PBX3: variants seen among roughly 807,000 people sequenced by gnomAD.
PBX3 encodes the protein PBX homeobox 3.
Under a neutral mutation model 48.5 loss-of-function variants are expected in PBX3, and 14 were observed. That is an observed-to-expected ratio of 0.29 (90% CI 0.19 to 0.45). The LOEUF (loss-of-function observed/expected upper bound fraction) is 0.45, where lower values mean the gene tolerates loss of function less well. PBX3 is among the 20% of genes least tolerant of loss of function. PBX3 has a pLI of 1.00. For missense variants in PBX3, 386 were observed against 546.7 expected (o/e 0.71, Z 2.93); for synonymous variants, 210 against 200.3 (o/e 1.05, Z -0.41).
intron 5 of PBX3, chr9:125,949,355 A>G (rs1198281610): frequency 1.3e-6 from 2 of 1,550,352 alleles, no homozygotes; most frequent in African/African-American, 2.7e-5. Flanking sequence ...CATTCAACCT[A>G]CATTTTCTTG....
intron 2 of PBX3, among the ~76,000 whole-genome samples, chr9:125,882,471 GTA>G (rs1412046849): frequency 6.6e-6 from 1 of 152,170 alleles, no homozygotes; most frequent in Non-Finnish European, 1.5e-5. Context: ...CAGCTGCCTG[GTA>G]TTTAACATTG....
chr9:125,873,150 A>G (rs1029967305), intron 2 of PBX3, among the ~76,000 whole-genome samples: 1 of 152,104 alleles, frequency 6.6e-6, no homozygotes, highest in Non-Finnish European at 1.5e-5. Flanking sequence ...GCGCCACTGC[A>G]CTCCAGCCTG....
intron 2 of PBX3, among the ~76,000 whole-genome samples, chr9:125,912,255 A>C (rs1216604234): frequency 6.6e-6 from 1 of 152,170 alleles, no homozygotes; most frequent in Non-Finnish European, 1.5e-5. Flanking sequence ...AAATGCCTGA[A>C]TTACAGTCAG....
chr9:125,959,150 G>A (rs1175815422), intron 5 of PBX3, among the ~76,000 whole-genome samples: 1 of 152,176 alleles, frequency 6.6e-6, no homozygotes, highest in East Asian at 1.9e-4. Flanking sequence ...TGTCTGCAAG[G>A]TGCTCTGCAT....
At chr9:125,841,024 T>C (rs1193646223) in intron 2 of PBX3, among the ~76,000 whole-genome samples, 1 of 152,166 alleles carries the variant, frequency 6.6e-6, no homozygotes, top group African/African-American at 2.4e-5. Context: ...TTAGAAATTC[T>C]TAAATTATTA....
intron 2 of PBX3, among the ~76,000 whole-genome samples, chr9:125,830,051 C>A (rs1838914637): frequency 6.6e-6 from 1 of 152,132 alleles, no homozygotes; most frequent in Admixed American, 6.6e-5. Context: ...TGAGCTCTTA[C>A]AACAGGAAGC....
At chr9:125,836,038 A>T (rs1457001948) in intron 2 of PBX3, among the ~76,000 whole-genome samples, 2 of 152,226 alleles carry the variant, frequency 1.3e-5, no homozygotes, top group African/African-American at 4.8e-5. Context: ...GAAAGAATGG[A>T]ATCTTGTCAT....
At chr9:125,792,580 T>C (rs1837642900) in intron 2 of PBX3, among the ~76,000 whole-genome samples, 1 of 152,170 alleles carries the variant, frequency 6.6e-6, no homozygotes, top group African/African-American at 2.4e-5. Flanking sequence ...TAGCTCCCAG[T>C]GATAGGGAGC....
chr9:125,950,202 A>G (rs1164022622), intron 5 of PBX3, among the ~76,000 whole-genome samples: 1 of 152,214 alleles, frequency 6.6e-6, no homozygotes, highest in Non-Finnish European at 1.5e-5. Flanking sequence ...GACGTTTTAT[A>G]CACTTTTGCA....
At chr9:125,818,252 A>G (rs1237168425) in intron 2 of PBX3, among the ~76,000 whole-genome samples, 2 of 151,998 alleles carry the variant, frequency 1.3e-5, no homozygotes, top group African/African-American at 2.4e-5. Context: ...ATTACCAGAG[A>G]GTTCCTGCTC....
intron 2 of PBX3, among the ~76,000 whole-genome samples, chr9:125,868,444 G>T (rs1840041040): frequency 6.6e-6 from 1 of 152,194 alleles, no homozygotes; most frequent in Non-Finnish European, 1.5e-5. Flanking sequence ...GTACAGTAAA[G>T]AACTTCATTT....
intron 3 of PBX3, among the ~76,000 whole-genome samples, chr9:125,929,137 A>G (rs928297659): frequency 1.3e-5 from 2 of 152,140 alleles, no homozygotes; most frequent in African/African-American, 4.8e-5. Flanking sequence ...CTTCCTTGGA[A>G]CTTAATATCT....
rs182661080 is a variant in PBX3, at chr9:125,952,992, A to T, written c.844-7692A>T. On this transcript the variant is annotated intron_variant, in intron 5 of 8. Transcript: ENST00000373489. The stretch of plus-strand genomic sequence containing the variant: ...AGTGTTTGAGTATTTTTACCAAAAT[A>T]AAAAAAAAAAGACTCATGGTGTATG... Among the ~76,000 whole-genome samples, 260 of 144,424 alleles carry T rather than the reference A, an allele frequency of 1.8e-3. 1 individual carries two copies. Among genetic ancestry groups the T allele is most frequent in the African/African-American group, 6.1e-3 (244 of 40,008 alleles). 94.7% of individuals were successfully genotyped at this position (144,424 alleles called of 152,430 possible). A position where few individuals can be genotyped will look rare whatever the true frequency, so the allele number is the denominator to read the frequency against.
chr9:125,753,648 C>T (rs923612406), intron 2 of PBX3, among the ~76,000 whole-genome samples: 1 of 151,898 alleles, frequency 6.6e-6, no homozygotes. Context: ...CATTTTATTA[C>T]AGATTTGAAT....
At chr9:125,963,614 A>G (rs1842475108) in intron 8 of PBX3, among the ~76,000 whole-genome samples, 1 of 152,150 alleles carries the variant, frequency 6.6e-6, no homozygotes, top group Non-Finnish European at 1.5e-5. Context: ...TAACTACTTC[A>G]CTACAACTTT....
intron 3 of PBX3, among the ~76,000 whole-genome samples, chr9:125,927,223 T>G (rs1841597582): frequency 6.6e-6 from 1 of 152,254 alleles, no homozygotes; most frequent in South Asian, 2.1e-4. Context: ...AATCTGTAGA[T>G]GTTTATTAGG....
At chr9:125,825,770 C>T (rs1468998025) in intron 2 of PBX3, among the ~76,000 whole-genome samples, 1 of 152,220 alleles carries the variant, frequency 6.6e-6, no homozygotes, top group East Asian at 1.9e-4. Context: ...CATCAGTAAG[C>T]ATCACTGTGT....
intron 2 of PBX3, among the ~76,000 whole-genome samples, chr9:125,760,660 A>G (rs2131973771): frequency 6.6e-6 from 1 of 152,312 alleles, no homozygotes; most frequent in East Asian, 1.9e-4. Context: ...ACATTAGTGA[A>G]CACAGCATGA....
rs186355449 is a variant in PBX3 at position 125,831,534 on chromosome 9, T to G, written c.274+82911T>G. ...AGCTTTATCCATTCACTAGGGCTAT[T>G]TGGTTACCCAGAAATACAATTCATA... On this transcript the variant is annotated intron_variant, in intron 2 of 8. Coordinates refer to ENST00000373489, the MANE Select transcript of PBX3 (RefSeq NM_006195.6). Among the ~76,000 whole-genome samples the G allele has an allele frequency of 1.6e-4, 25 of 152,282 alleles. No individual in the cohort carries two copies. In the East Asian group the frequency reaches 4.6e-3, roughly 28 times the overall value.
Sources: gnomAD v4.1 joint callset for allele counts (sites outside exome capture counted in the v4.1 genomes callset) on GRCh38, gnomAD v4.1.1 for gene constraint, MANE v1.5 for transcripts, NCBI Gene and HGNC (gene_info 2026-07-23, HGNC 2026-07-21) for gene names.